The following CCDC88A variants were observed in gnomAD, a reference collection of about 807,000 sequenced individuals.
CCDC88A encodes the protein girdin.
Under a neutral mutation model 234.3 loss-of-function variants are expected in CCDC88A, and 54 were observed. The observed-to-expected ratio is 0.23, with a 90% CI of 0.19 to 0.29. The LOEUF is 0.29. Ranked by LOEUF, CCDC88A falls within the 10% of genes least tolerant of loss-of-function variation. CCDC88A has a pLI of 1.00. For missense variants in CCDC88A, 1,832 were observed against 2,123.4 expected (o/e 0.86, Z 2.70); for synonymous variants, 753 against 737.8 (o/e 1.02, Z -0.33).
At chr2:55,318,232 T>C (rs576518376) in intron 19 of CCDC88A, among the ~76,000 whole-genome samples, 11 of 152,146 alleles carry the variant, frequency 7.2e-5, no homozygotes, top group Admixed American at 1.3e-4. Context: ...CTTTTAGAAA[T>C]TTTTCAAGAG....
At chr2:55,384,523 A>G (rs1284658646) in intron 3 of CCDC88A, among the ~76,000 whole-genome samples, 1 of 3,332 alleles carries the variant, frequency 3.0e-4, no homozygotes, top group Non-Finnish European at 7.2e-4. Flanking sequence ...TATAAATTAT[A>G]TATATATACA....
At chr2:55,310,835 G>A (rs752088797) in intron 23 of CCDC88A, among the ~76,000 whole-genome samples, 2 of 152,174 alleles carry the variant, frequency 1.3e-5, no homozygotes, top group African/African-American at 2.4e-5. Context: ...TGTTAACAAG[G>A]CTGGAGTTCC....
At position 55,315,966 on chromosome 2, in the gene CCDC88A, A is replaced by C; in HGVS notation, c.3895T>G (p.Leu1299Val). 6.3e-7 allele frequency: 1 copy of C among 1,584,388 alleles called. No individual in the cohort carries two copies. Among genetic ancestry groups the C allele is most frequent in the Non-Finnish European group, 8.6e-7 (1 of 1,167,714 alleles). The part of the protein sequence containing the change: ...FSKLKEQYQQ[L>V]DITSTKLNNQ... ...TTCAGCTTGGTTGATGTAATATCCA[A>C]TTGTTGGTATTGTTCCTTTAGTTTT... The change falls in exon 22 of 33, where the codon TTG (leucine) becomes GTG (valine). Residue 1299 changes from leucine (L) to valine (V), a missense_variant. Transcript: ENST00000436346.
chr2:55,393,369 C>A (rs572801444), intron 2 of CCDC88A, among the ~76,000 whole-genome samples: 2 of 133,476 alleles, frequency 1.5e-5, no homozygotes, highest in Admixed American at 9.0e-5. Flanking sequence ...CAGCTCACTG[C>A]AACCTCTGCC....
chr2:55,385,279 T>C (rs562794776), intron 3 of CCDC88A, among the ~76,000 whole-genome samples: 3 of 152,204 alleles, frequency 2.0e-5, no homozygotes, highest in African/African-American at 7.2e-5. Flanking sequence ...AAATGATTAA[T>C]GAGCAAAATG....
intron 2 of CCDC88A, among the ~76,000 whole-genome samples, chr2:55,390,027 C>T (rs1249172010): frequency 1.3e-4 from 3 of 23,328 alleles, no homozygotes; most frequent in Admixed American, 1.6e-3. Context: ...GGCTACAGAG[C>T]GAGACTCAAA....
At position 55,333,631 on chromosome 2, in the gene CCDC88A, G is replaced by C. The variant is rs193131214; in HGVS notation, c.2727+463C>G. 4.6e-5 allele frequency among the ~76,000 whole-genome samples: 7 copies of C among 152,054 alleles called. No individual in the cohort carries two copies. The East Asian group carries it at 1.4e-3, about 29-fold the overall frequency. ...AAAAATGGATATAATACTTATAAAG[G>C]ATTAGTTGTAAAGATTATGTGCATG... is the stretch of plus-strand genomic sequence containing the variant. On this transcript the variant is annotated intron_variant, in intron 15 of 32. Coordinates refer to ENST00000436346, the MANE Select transcript of CCDC88A (RefSeq NM_001365480.1).
chr2:55,375,881 T>C (rs1050052991), intron 3 of CCDC88A, among the ~76,000 whole-genome samples: 1 of 152,108 alleles, frequency 6.6e-6, no homozygotes, highest in African/African-American at 2.4e-5. Flanking sequence ...TCAACTGATA[T>C]TAAAATTAAG....
At chr2:55,367,557 C>T (rs1672204621) in intron 5 of CCDC88A, among the ~76,000 whole-genome samples, 1 of 33,986 alleles carries the variant, frequency 2.9e-5, no homozygotes, top group African/African-American at 2.9e-4. Flanking sequence ...GGTCTTGCTA[C>T]GTTACCAGGC....
intron 13 of CCDC88A, among the ~76,000 whole-genome samples, chr2:55,338,080 T>C (rs780128058): frequency 5.9e-5 from 9 of 152,178 alleles, no homozygotes; most frequent in Non-Finnish European, 1.2e-4. Context: ...TATAAAAAAA[T>C]CATTTTTACA....
At chr2:55,369,503 G>A (rs1281409840) in intron 5 of CCDC88A, among the ~76,000 whole-genome samples, 1 of 147,042 alleles carries the variant, frequency 6.8e-6, no homozygotes, top group Non-Finnish European at 1.5e-5. Context: ...CCAGGCTAGA[G>A]TGCAGTGGAG....
rs1335826923 is a variant in CCDC88A at position 55,372,500 on chromosome 2, T to A, written c.354A>T (p.Thr118=). 14 of 1,495,724 alleles carry A rather than the reference T, an allele frequency of 9.4e-6. No homozygotes were observed. The highest frequency in any genetic ancestry group is 1.1e-5 in the Non-Finnish European group (12 of 1,077,290). The allele number at this position is 1,495,724 out of a possible 1,614,324, so 92.7% of individuals were successfully genotyped here. Residue 118 remains threonine, a synonymous_variant, in exon 5 of 33, where the codon ACA becomes ACT. Transcript: ENST00000436346. ...GTAAAAGCAGTTTTTTAACTTCTTC[T>A]GTGCCTTGTTCTAAAATAGAAACAA... ...IGKNPFSEQG[T]EEVKKLLLLL...
intron 27 of CCDC88A, chr2:55,301,575 T>A: frequency 1.9e-6 from 1 of 514,312 alleles, no homozygotes; most frequent in East Asian, 3.4e-5. Flanking sequence ...TTGTAGTGCT[T>A]TTAGTTTTTA....
chr2:55,343,606 C>A (rs1398159012), intron 12 of CCDC88A, 42 bp downstream of exon 12: 2 of 1,489,868 alleles, frequency 1.3e-6, no homozygotes, highest in African/African-American at 2.8e-5. Context: ...AATACAACTT[C>A]ATGATTCGAT....
intron 2 of CCDC88A, chr2:55,404,099 G>T (rs1344420833): frequency 6.6e-6 from 1 of 152,122 alleles, no homozygotes; most frequent in Admixed American, 6.6e-5. Context: ...TTCTTAATCT[G>T]TACTCCCCTC....
intron 3 of CCDC88A, among the ~76,000 whole-genome samples, chr2:55,380,971 T>C (rs1156467090): frequency 1.3e-5 from 2 of 152,228 alleles, no homozygotes; most frequent in Non-Finnish European, 2.9e-5. Flanking sequence ...TATAGGCATG[T>C]ACCGTGTAAT....
intron 2 of CCDC88A, 42 bp from the exon 3 acceptor site, chr2:55,388,928 T>C (rs1676147027): frequency 1.5e-6 from 1 of 669,486 alleles, no homozygotes; most frequent in South Asian, 2.0e-5. Flanking sequence ...CATAAAATAC[T>C]ACTATCAATC....
chr2:55,328,295 G>A lies in CCDC88A; in HGVS notation c.2996C>T (p.Thr999Ile). 6.3e-7 allele frequency: 1 copy of A among 1,577,604 alleles called. No individual in the cohort carries two copies. The highest frequency in any genetic ancestry group is 8.6e-7 in the Non-Finnish European group (1 of 1,165,168). ...ATTCTTTCCAAGAAAATCACTTACT[G>A]TTTTAAGTTCTTGGCGCAATTGCTG... ...YNQQLRQELK[T>I]VKKNYEALKQ... Residue 999 changes from threonine (T) to isoleucine (I), a missense_variant and splice_region_variant, in exon 17 of 33, where the codon ACA becomes ATA. This residue lies in a region of CCDC88A where 1,282 missense variants were observed against 1,543.6 expected (regional missense o/e 0.83). Coordinates refer to ENST00000436346, the MANE Select transcript of CCDC88A (RefSeq NM_001365480.1). The surrounding 1 kb of genome is among the most constrained non-coding windows in gnomAD (Gnocchi z 4.3).
chr2:55,301,090 C>T, intron 28 of CCDC88A, 116 bp downstream of exon 28: 1 of 656,514 alleles, frequency 1.5e-6, no homozygotes, highest in African/African-American at 1.9e-5. Flanking sequence ...CTATGAGATG[C>T]AGGATAGAGA....
Sources: allele counts gnomAD v4.1 joint callset (sites outside exome capture counted in the v4.1 genomes callset), GRCh38; gene constraint gnomAD v4.1.1; regional missense constraint gnomAD v4.1.1; non-coding constraint Gnocchi (gnomAD v3.1); transcripts MANE v1.5; gene names NCBI Gene and HGNC (gene_info 2026-07-23, HGNC 2026-07-21).